Variants in RNF150 observed in about 807,000 individuals in gnomAD.
The protein encoded by RNF150 is ring finger protein 150.
RNF150 carries 24 observed loss-of-function variants against 39.3 expected under a neutral mutation model. The ratio of observed to expected loss-of-function variants is 0.61; its 90% CI spans 0.44 to 0.86. RNF150 has a LOEUF of 0.86. RNF150 is among the 40% of genes least tolerant of loss of function. RNF150 has a pLI of 0.00. For synonymous variants in RNF150, 255 were observed against 227.3 expected (o/e 1.12, Z -1.10); for missense variants, 502 against 587.8 (o/e 0.85, Z 1.51).
intron 1 of RNF150, among the ~76,000 whole-genome samples, chr4:141,089,567 T>G (rs927058562): frequency 3.3e-5 from 5 of 152,188 alleles, no homozygotes; most frequent in Non-Finnish European, 7.3e-5. Context: ...CTACTAATTT[T>G]CTAATAACTC....
At chr4:140,980,037 G>C (rs574607240) in intron 1 of RNF150, among the ~76,000 whole-genome samples, 5 of 151,990 alleles carry the variant, frequency 3.3e-5, no homozygotes, top group South Asian at 2.1e-4. Flanking sequence ...TCCCCTTAAG[G>C]CTATTTCATT....
At chr4:141,120,414 C>T (rs908271222) in intron 1 of RNF150, among the ~76,000 whole-genome samples, 7 of 152,100 alleles carry the variant, frequency 4.6e-5, no homozygotes, top group Non-Finnish European at 8.8e-5. Context: ...ACTCTTCCTG[C>T]TCACTTGAGC....
intron 2 of RNF150, among the ~76,000 whole-genome samples, chr4:140,957,532 C>T (rs190298038): frequency 6.6e-6 from 1 of 152,318 alleles, no homozygotes; most frequent in Non-Finnish European, 1.5e-5. Context: ...ACCATTCACC[C>T]AGCCATCCCA....
intron 1 of RNF150, among the ~76,000 whole-genome samples, chr4:141,001,953 C>T (rs1734682312): frequency 6.6e-6 from 1 of 152,094 alleles, no homozygotes; most frequent in Non-Finnish European, 1.5e-5. Flanking sequence ...TTTAAATTCA[C>T]TCACTTTTAC....
At chr4:141,166,985 G>C (rs957020856) in intron 1 of RNF150, among the ~76,000 whole-genome samples, 6 of 152,082 alleles carry the variant, frequency 3.9e-5, no homozygotes, top group African/African-American at 1.4e-4. Context: ...ATTCAAATAG[G>C]AAGAGAGGAA....
At chr4:141,030,423 C>G (rs1735895938) in intron 1 of RNF150, among the ~76,000 whole-genome samples, 1 of 152,094 alleles carries the variant, frequency 6.6e-6, no homozygotes, top group African/African-American at 2.4e-5. Flanking sequence ...TTATCATATG[C>G]TCCAGGAATC....
chr4:140,917,075 C>G (rs1730865138), intron 5 of RNF150, among the ~76,000 whole-genome samples: 1 of 152,174 alleles, frequency 6.6e-6, no homozygotes, highest in South Asian at 2.1e-4. Flanking sequence ...CTGGTACTAG[C>G]CACTGCAAAA....
intron 1 of RNF150, among the ~76,000 whole-genome samples, chr4:141,012,354 G>T (rs571210109): frequency 6.6e-6 from 1 of 152,336 alleles, no homozygotes; most frequent in Admixed American, 6.5e-5. Flanking sequence ...GTCCCTACAT[G>T]TAACTCTGGT....
rs145078453 is a variant in RNF150 at position 141,037,941 on chromosome 4, A to T, written c.485-70068T>A. On this transcript the variant is annotated intron_variant, in intron 1 of 6. Coordinates refer to ENST00000515673, the MANE Select transcript of RNF150 (RefSeq NM_020724.2). ...TGCATTTTAAAACAGCTAACATGCAATCATATACACTAACATGTTAAAATA... is the reference window on the plus strand; with the variant it reads ...TGCATTTTAAAACAGCTAACATGCATTCATATACACTAACATGTTAAAATA... Among the ~76,000 whole-genome samples, 4 of 152,220 alleles carry T rather than the reference A, an allele frequency of 2.6e-5. No homozygotes were observed. The South Asian group carries it at 8.3e-4, about 32-fold the overall frequency.
At chr4:141,195,464 TTCC>T (rs1438175540) in intron 1 of RNF150, among the ~76,000 whole-genome samples, 1 of 152,190 alleles carries the variant, frequency 6.6e-6, no homozygotes, top group Non-Finnish European at 1.5e-5. Context: ...CCTCTCCCTC[TTCC>T]TCCTTTCCCC....
chr4:141,127,943 G>T (rs564110330), intron 1 of RNF150, among the ~76,000 whole-genome samples: 1 of 152,278 alleles, frequency 6.6e-6, no homozygotes, highest in South Asian at 2.1e-4. Context: ...CCCTTGCTAC[G>T]ATGAGATTTC....
intron 1 of RNF150, among the ~76,000 whole-genome samples, chr4:141,076,319 T>G (rs1390840945): frequency 3.3e-5 from 5 of 152,184 alleles, no homozygotes; most frequent in Non-Finnish European, 7.3e-5. Context: ...AAATTGCTTT[T>G]TAAAAAATAA....
At chr4:140,945,016 G>T (rs1003638586) in intron 4 of RNF150, among the ~76,000 whole-genome samples, 3 of 152,158 alleles carry the variant, frequency 2.0e-5, no homozygotes, top group Admixed American at 6.5e-5. Flanking sequence ...GAGCTATTCA[G>T]AACAGATATG....
intron 1 of RNF150, among the ~76,000 whole-genome samples, chr4:141,108,121 G>C (rs1010698188): frequency 6.6e-6 from 1 of 152,192 alleles, no homozygotes; most frequent in Admixed American, 6.5e-5. Flanking sequence ...TGGTGTGAAA[G>C]CACTCTCTCC....
chr4:141,139,148 G>A (rs1446854725), intron 1 of RNF150, among the ~76,000 whole-genome samples: 1 of 152,176 alleles, frequency 6.6e-6, no homozygotes, highest in Non-Finnish European at 1.5e-5. Context: ...ACAGGAGTTC[G>A]AGGCTGTGGT....
rs1355080530 is a variant in RNF150, at chr4:140,867,390, C to G, written c.*871G>C. On this transcript the variant is annotated 3_prime_UTR_variant, in exon 7 of 7. Transcript: ENST00000515673. The stretch of plus-strand genomic sequence containing the variant: ...GAAAATGTGGTATCTGGTTTTAAAA[C>G]CAGCCCTACAACCACCAAAGACTGG... The G allele has an allele frequency of 6.6e-6, 1 of 152,190 alleles. No homozygotes were observed. Among genetic ancestry groups the G allele is most frequent in the Non-Finnish European group, 1.5e-5 (1 of 68,040 alleles). 9.4% of individuals were successfully genotyped at this position (152,190 alleles called of 1,614,324 possible). A position where few individuals can be genotyped will look rare whatever the true frequency, so the allele number is the denominator to read the frequency against.
chr4:140,893,806 C>T (rs1439033389), intron 6 of RNF150, among the ~76,000 whole-genome samples: 3 of 152,016 alleles, frequency 2.0e-5, no homozygotes, highest in African/African-American at 4.8e-5. Context: ...TAAACATGTA[C>T]ACAATAAACA....
chr4:141,188,112 G>A (rs1284135540), intron 1 of RNF150, among the ~76,000 whole-genome samples: 2 of 152,144 alleles, frequency 1.3e-5, no homozygotes, highest in South Asian at 2.1e-4. Context: ...ATGAAGTTTA[G>A]TTTGGCTGAA....
Position 140,868,286 on chromosome 4 carries a change from T to G in RNF150, c.1292A>C (p.Gln431Pro). The G allele has an allele frequency of 1.2e-6, 2 of 1,602,778 alleles. No individual in the cohort carries two copies. Among genetic ancestry groups the G allele is most frequent in the Non-Finnish European group, 1.7e-6 (2 of 1,169,674 alleles). Residue 431 changes from glutamine to proline, a missense_variant, in exon 7 of 7, where the codon CAG becomes CCG. By Grantham distance (76) the Gln-to-Pro change is moderately conservative. Coordinates refer to ENST00000515673, the MANE Select transcript of RNF150 (RefSeq NM_020724.2). ...TCAAGATTTCACTTCTTCACAGTCC[T>G]GGTCAGTGGAAAGTTCTACATCAGA... ...GLSDVELSTD[Q>P]DCEEVKS is the part of the protein sequence containing the mutation.
Sources: gnomAD v4.1 joint callset for allele counts (sites outside exome capture counted in the v4.1 genomes callset) on GRCh38, gnomAD v4.1.1 for gene constraint, MANE v1.5 for transcripts, NCBI Gene and HGNC (gene_info 2026-07-23, HGNC 2026-07-21) for gene names.